Variants in ELOC observed in about 807,000 individuals in gnomAD.
ELOC encodes the protein elongin-C.
For missense variants in ELOC, 38 were observed against 139.0 expected (o/e 0.27, Z 3.65); for synonymous variants, 40 against 51.3 (o/e 0.78, Z 0.94).
chr8:73,953,071 G>A lies in ELOC; in HGVS notation c.148+2840C>T, dbSNP rs777806849. 4.6e-5 allele frequency among the ~76,000 whole-genome samples: 7 copies of A among 152,292 alleles called. No individual in the cohort carries two copies. In the Middle Eastern group the frequency reaches 0.01, roughly 222 times the overall value. ...TGTAATCCCAGCACTTTGCGAGGCC[G>A]AGGTGGGCTGATCACTTGAAGCCAG... On this transcript the variant is annotated intron_variant, in intron 3 of 3. Coordinates refer to ENST00000520242, the MANE Select transcript of ELOC (RefSeq NM_005648.4).
chr8:73,960,558 A>C (rs559629516), intron 1 of ELOC, among the ~76,000 whole-genome samples: 2 of 152,222 alleles, frequency 1.3e-5, no homozygotes, highest in South Asian at 4.2e-4. Flanking sequence ...GTTGCTTATG[A>C]CTCATCAATC....
At chr8:73,965,294 G>A (rs192701360) in intron 1 of ELOC, among the ~76,000 whole-genome samples, 1 of 152,204 alleles carries the variant, frequency 6.6e-6, no homozygotes, top group East Asian at 1.9e-4. Context: ...CTACTATACA[G>A]CCACGAGTAT....
chr8:73,956,120 G>A, intron 2 of ELOC, 66 bp from the exon 3 acceptor site: 2 of 1,511,128 alleles, frequency 1.3e-6, no homozygotes, highest in Admixed American at 3.7e-5. Flanking sequence ...AACAGGTTTG[G>A]CTGGGCGCAG....
At chr8:73,951,723 T>C (rs1203778774) in intron 3 of ELOC, among the ~76,000 whole-genome samples, 2 of 152,102 alleles carry the variant, frequency 1.3e-5, no homozygotes, top group East Asian at 3.9e-4. Context: ...GGATCCCAAA[T>C]AGCCCAAACA....
chr8:73,953,115 G>T, intron 3 of ELOC, among the ~76,000 whole-genome samples: 1 of 151,684 alleles, frequency 6.6e-6, no homozygotes, highest in East Asian at 1.9e-4. Context: ...GACCAGCCTG[G>T]CCAACACAGT....
chr8:73,955,190 GCA>G (rs1352086928), intron 3 of ELOC, among the ~76,000 whole-genome samples: 5 of 152,086 alleles, frequency 3.3e-5, no homozygotes, highest in Non-Finnish European at 7.3e-5. Flanking sequence ...AAAAGGCCAG[GCA>G]TGCAAAAGGC....
intron 1 of ELOC, among the ~76,000 whole-genome samples, chr8:73,970,320 C>A (rs1019140588): frequency 6.6e-6 from 1 of 152,086 alleles, no homozygotes; most frequent in Non-Finnish European, 1.5e-5. Context: ...ACCAAAAAAA[C>A]CAAGATAAAC....
At chr8:73,956,178 G>T in intron 2 of ELOC, 124 bp from the exon 3 acceptor site, 1 of 862,038 alleles carries the variant, frequency 1.2e-6, no homozygotes, top group Non-Finnish European at 1.8e-6. Context: ...ATCACCTGAG[G>T]TCAGGAGTTC....
At chr8:73,957,819 TTTG>T (rs1814300275) in intron 2 of ELOC, among the ~76,000 whole-genome samples, 3 of 152,156 alleles carry the variant, frequency 2.0e-5, no homozygotes, top group Admixed American at 6.6e-5. Context: ...GAGTCTCACT[TTTG>T]TTGTGGAGTA....
chr8:73,950,777 C>A (rs774767756), intron 3 of ELOC, among the ~76,000 whole-genome samples: 1 of 152,150 alleles, frequency 6.6e-6, no homozygotes, highest in Non-Finnish European at 1.5e-5. Context: ...TATGAGTTTA[C>A]AGAATAAAGC....
intron 1 of ELOC, among the ~76,000 whole-genome samples, chr8:73,968,952 T>C (rs1815175295): frequency 6.6e-6 from 1 of 152,236 alleles, no homozygotes; most frequent in Non-Finnish European, 1.5e-5. Context: ...TCCTGGCTTT[T>C]CTGCTTCCAT....
intron 1 of ELOC, among the ~76,000 whole-genome samples, chr8:73,967,248 C>T (rs551389514): frequency 1.3e-5 from 2 of 152,008 alleles, no homozygotes; most frequent in African/African-American, 4.8e-5. Flanking sequence ...CACCCGTATC[C>T]TGGAATTTAC....
At chr8:73,953,474 C>T (rs371118005) in intron 3 of ELOC, among the ~76,000 whole-genome samples, 13 of 152,118 alleles carry the variant, frequency 8.5e-5, no homozygotes, top group African/African-American at 2.9e-4. Flanking sequence ...GCCGGGAATT[C>T]GAGACCAGCC....
intron 1 of ELOC, among the ~76,000 whole-genome samples, chr8:73,971,251 G>C (rs533399363): frequency 1.3e-5 from 2 of 151,650 alleles, no homozygotes; most frequent in African/African-American, 4.8e-5. Flanking sequence ...ACTAATAATA[G>C]ATTAGTCAGG....
At chr8:73,951,795 A>C (rs1477833282) in intron 3 of ELOC, among the ~76,000 whole-genome samples, 1 of 152,196 alleles carries the variant, frequency 6.6e-6, no homozygotes, top group Non-Finnish European at 1.5e-5. Context: ...ACTTACTACA[A>C]AGCTACAGTA....
intron 1 of ELOC, among the ~76,000 whole-genome samples, chr8:73,966,221 C>T (rs1168228115): frequency 6.6e-6 from 1 of 151,968 alleles, no homozygotes; most frequent in Non-Finnish European, 1.5e-5. Flanking sequence ...GGACAGAAAA[C>T]CAAAACAAAA....
chr8:73,959,686 T>C (rs1814461453), intron 2 of ELOC, 79 bp downstream of exon 2: 2 of 1,273,164 alleles, frequency 1.6e-6, no homozygotes, highest in South Asian at 1.5e-5. Flanking sequence ...TTTACTTGTG[T>C]TCACTGAATT....
At chr8:73,963,393 T>TTG (rs1814739452) in intron 1 of ELOC, among the ~76,000 whole-genome samples, 1 of 152,234 alleles carries the variant, frequency 6.6e-6, no homozygotes, top group African/African-American at 2.4e-5. Flanking sequence ...CACATGTTTC[T>TTG]TGTTAGGTCT....
Position 73,945,424 on chromosome 8 carries a change from A to G in ELOC, c.*1206T>C, listed in dbSNP as rs1053363782. The G allele has an allele frequency of 6.6e-5, 10 of 152,214 alleles. 1 individual carries two copies. Among genetic ancestry groups the G allele is most frequent in the African/African-American group, 2.4e-4 (10 of 41,544 alleles). 9.4% of individuals were successfully genotyped at this position (152,214 alleles called of 1,614,324 possible). ...ATGAGCCACCGGGCTCAGCCATATT[A>G]AGCCAGTCTCAAATAAGCTGGAGAC... On this transcript the variant is annotated 3_prime_UTR_variant, in exon 4 of 4. Transcript: ENST00000520242.
Sources: gnomAD v4.1 joint callset for allele counts (sites outside exome capture counted in the v4.1 genomes callset) on GRCh38, gnomAD v4.1.1 for gene constraint, MANE v1.5 for transcripts, NCBI Gene and HGNC (gene_info 2026-07-23, HGNC 2026-07-21) for gene names.